The following TRIM33 variants were observed in gnomAD, a reference collection of about 807,000 sequenced individuals.
TRIM33 encodes E3 ubiquitin-protein ligase TRIM33.
A neutral mutation model predicts 125.4 loss-of-function variants in TRIM33; 20 were observed. That is an observed-to-expected ratio of 0.16 (90% confidence interval 0.11 to 0.23). The LOEUF (loss-of-function observed/expected upper bound fraction) is 0.23. Ranked by LOEUF, TRIM33 falls within the 10% of genes least tolerant of loss-of-function variation. The probability of loss-of-function intolerance (pLI) is 1.00; values close to 1 mark genes in which losing one functional copy is unlikely to be tolerated. For synonymous variants in TRIM33, 564 were observed against 513.9 expected (o/e 1.10, Z -1.32); for missense variants, 920 against 1,411.4 (o/e 0.65, Z 5.58).
intron 17 of TRIM33, among the ~76,000 whole-genome samples, 171 bp from the exon 18 acceptor site, chr1:114,399,780 T>C (rs963601899): frequency 3.9e-5 from 6 of 152,176 alleles, no homozygotes; most frequent in Non-Finnish European, 5.9e-5. Context: ...CCAAATCTTA[T>C]GTGGCATATG....
chr1:114,440,666 G>A (rs1202979932), intron 4 of TRIM33, among the ~76,000 whole-genome samples: 1 of 152,118 alleles, frequency 6.6e-6, no homozygotes, highest in Non-Finnish European at 1.5e-5. Flanking sequence ...ATAATGGATG[G>A]GTTTTAATGG....
chr1:114,490,538 T>C (rs1180588761), intron 1 of TRIM33, among the ~76,000 whole-genome samples: 2 of 152,152 alleles, frequency 1.3e-5, no homozygotes, highest in Non-Finnish European at 2.9e-5. Context: ...CTCTCAAGTA[T>C]ACACCCAAGA....
intron 1 of TRIM33, among the ~76,000 whole-genome samples, chr1:114,477,169 A>G (rs1307258944): frequency 1.3e-5 from 2 of 152,176 alleles, no homozygotes; most frequent in Admixed American, 6.5e-5. Context: ...CAAAATAATC[A>G]TATCAAAACA....
chr1:114,431,582 A>G (rs1216682100), intron 5 of TRIM33, among the ~76,000 whole-genome samples: 1 of 152,232 alleles, frequency 6.6e-6, no homozygotes, highest in Non-Finnish European at 1.5e-5. Context: ...CAGGAAGTGG[A>G]TAATCCCACC....
At chr1:114,414,636 T>A (rs1652813732) in intron 11 of TRIM33, among the ~76,000 whole-genome samples, 1 of 152,180 alleles carries the variant, frequency 6.6e-6, no homozygotes, top group South Asian at 2.1e-4. Flanking sequence ...GCCTTACAAT[T>A]TCCCCTTTGA....
chr1:114,474,543 T>G (rs1417548091), intron 1 of TRIM33, among the ~76,000 whole-genome samples: 4 of 134,412 alleles, frequency 3.0e-5, no homozygotes, highest in Non-Finnish European at 4.6e-5. Flanking sequence ...CACTCTACCG[T>G]AGCCTGGGTG....
chr1:114,488,831 C>G (rs911021580), intron 1 of TRIM33, among the ~76,000 whole-genome samples: 2 of 152,070 alleles, frequency 1.3e-5, no homozygotes, highest in Non-Finnish European at 2.9e-5. Context: ...AAAGAACAAC[C>G]CACCCCAGCA....
At position 114,397,316 on chromosome 1, in the gene TRIM33, T is replaced by C. The variant is rs1189615763; in HGVS notation, c.*332A>G. 1 of 386,130 alleles carries C rather than the reference T, an allele frequency of 2.6e-6. No individual in the cohort carries two copies. Among genetic ancestry groups the C allele is most frequent in the Non-Finnish European group, 4.7e-6 (1 of 212,370 alleles). 23.9% of individuals were successfully genotyped at this position (386,130 alleles called of 1,614,324 possible). On this transcript the variant is annotated 3_prime_UTR_variant, in exon 20 of 20. Coordinates refer to ENST00000358465, the MANE Select transcript of TRIM33 (RefSeq NM_015906.4). ...CAAGTATTTACTCGTATACCAAGTATCCTGCACCAATCAATAGCACACAAT... is the reference window on the plus strand; with the variant it reads ...CAAGTATTTACTCGTATACCAAGTACCCTGCACCAATCAATAGCACACAAT...
Position 114,511,156 on chromosome 1 carries a change from C to G in TRIM33, c.-80G>C. 18 of 1,049,628 alleles carry G rather than the reference C, an allele frequency of 1.7e-5. No homozygotes were observed. The South Asian group carries it at 7.9e-4, about 46-fold the overall frequency. 65.0% of individuals were successfully genotyped at this position (1,049,628 alleles called of 1,614,324 possible). On this transcript the variant is annotated 5_prime_UTR_variant, in exon 1 of 20. Coordinates refer to ENST00000358465, the MANE Select transcript of TRIM33 (RefSeq NM_015906.4). Reference sequence around the variant, plus strand: ...CGCCGCCGCCGCCCCCAGCCCCAGCCGCAGCCGCAGCAAGAGCGGCAGCCG... The same window carrying G: ...CGCCGCCGCCGCCCCCAGCCCCAGCGGCAGCCGCAGCAAGAGCGGCAGCCG...
chr1:114,436,954 T>C (rs12084660), intron 4 of TRIM33, among the ~76,000 whole-genome samples: 2,494 of 152,344 alleles, frequency 0.016, 78 homozygotes, highest in African/African-American at 0.056. Context: ...CTTAGCTTTA[T>C]TTACATTGTG....
intron 4 of TRIM33, among the ~76,000 whole-genome samples, chr1:114,437,407 C>T (rs924033709): frequency 3.9e-5 from 6 of 152,114 alleles, no homozygotes; most frequent in Non-Finnish European, 7.4e-5. Flanking sequence ...GGCACGATTT[C>T]GGCTCACTGC....
chr1:114,429,597 T>C lies in TRIM33; in HGVS notation c.1155+1201A>G, dbSNP rs1265888600. On this transcript the variant is annotated intron_variant, in intron 6 of 19. Transcript: ENST00000358465. ...CATTTTTATGTAATTATTCACCTAA[T>C]ATTTTTAAAGGATTCTATGAAGAGA... 2.0e-5 allele frequency among the ~76,000 whole-genome samples: 3 copies of C among 151,108 alleles called. No homozygotes were observed. The East Asian group carries it at 5.8e-4, about 29-fold the overall frequency.
intron 1 of TRIM33, among the ~76,000 whole-genome samples, chr1:114,467,437 G>T (rs1650367547): frequency 6.6e-6 from 1 of 152,132 alleles, no homozygotes; most frequent in African/African-American, 2.4e-5. Flanking sequence ...AGGGTGTGGA[G>T]GGAGCTACCA....
chr1:114,434,465 AACATC>A (rs1648155624), intron 4 of TRIM33, among the ~76,000 whole-genome samples: 1 of 152,250 alleles, frequency 6.6e-6, no homozygotes, highest in Non-Finnish European at 1.5e-5. Context: ...ATCAATAAAA[AACATC>A]ACATCAACAC....
chr1:114,410,105 T>C (rs1045807844), intron 12 of TRIM33, 79 bp downstream of exon 12: 1 of 1,525,788 alleles, frequency 6.6e-7, no homozygotes, highest in Non-Finnish European at 9.0e-7. Context: ...TCTGTTTTTC[T>C]GGAGAATTCT....
At chr1:114,445,508 T>C (rs2101268716) in intron 4 of TRIM33, among the ~76,000 whole-genome samples, 1 of 152,326 alleles carries the variant, frequency 6.6e-6, no homozygotes, top group Non-Finnish European at 1.5e-5. Context: ...CCCAAATTCC[T>C]GGGATTACAG....
At chr1:114,456,757 A>T (rs1459336815) in intron 4 of TRIM33, among the ~76,000 whole-genome samples, 1 of 152,188 alleles carries the variant, frequency 6.6e-6, no homozygotes, top group Non-Finnish European at 1.5e-5. Flanking sequence ...ATGTAATAAT[A>T]TAGTATACTG....
In TRIM33 at chr1:114,510,817, G is replaced by C. The variant is rs1203701804; in HGVS notation, c.260C>G (p.Thr87Ser). The change falls in exon 1 of 20, where the codon ACT (threonine) becomes AGT (serine). Residue 87 changes from threonine (T) to serine (S), a missense_variant. Coordinates refer to ENST00000358465, the MANE Select transcript of TRIM33 (RefSeq NM_015906.4). ...AASSPAASVG[T>S]GVAGGAVSTP... is the part of the protein sequence containing the mutation. Reference sequence around the variant, plus strand: ...CGATACTGCGCCCCCGGCAACTCCAGTGCCCACTGAGGCCGCAGGAGATGA... The same window carrying C: ...CGATACTGCGCCCCCGGCAACTCCACTGCCCACTGAGGCCGCAGGAGATGA... The C allele has an allele frequency of 6.6e-7, 1 of 1,520,268 alleles. No individual in the cohort carries two copies. The highest frequency in any genetic ancestry group is 8.8e-7 in the Non-Finnish European group (1 of 1,140,876). 94.2% of individuals were successfully genotyped at this position (1,520,268 alleles called of 1,614,324 possible). A position where few individuals can be genotyped will look rare whatever the true frequency, so the allele number is the denominator to read the frequency against.
In TRIM33 at chr1:114,510,982, T is replaced by C; in HGVS notation, c.95A>G (p.Gln32Arg). Residue 32 changes from glutamine to arginine, a missense_variant, in exon 1 of 20, where the codon CAG (glutamine) becomes CGG (arginine). By Grantham distance (43) the Gln-to-Arg change is conservative (BLOSUM62 1). Coordinates refer to ENST00000358465, the MANE Select transcript of TRIM33 (RefSeq NM_015906.4). ...VTAGAAGPAAQEAEPPLTAVL... is the reference protein window; with the variant it reads ...VTAGAAGPAAREAEPPLTAVL... ...CGCGGTGAGAGGCGGCTCCGCCTCC[T>C]GCGCGGCGGGCCCGGCGGCCCCGGC... is the stretch of plus-strand genomic sequence containing the variant. 7.4e-7 allele frequency: 1 copy of C among 1,350,292 alleles called. No homozygotes were observed. Among genetic ancestry groups the C allele is most frequent in the Non-Finnish European group, 9.5e-7 (1 of 1,052,278 alleles). The allele number at this position is 1,350,292 out of a possible 1,614,324, so 83.6% of individuals were successfully genotyped here.
Sources: gnomAD v4.1 joint callset for allele counts (sites outside exome capture counted in the v4.1 genomes callset) on GRCh38, gnomAD v4.1.1 for gene constraint, MANE v1.5 for transcripts, NCBI Gene and HGNC (gene_info 2026-07-23, HGNC 2026-07-21) for gene names.